NBPF11: variants seen among roughly 807,000 people sequenced by gnomAD.
NBPF11 encodes NBPF family member NBPF11.
Under a neutral mutation model 93.9 loss-of-function variants are expected in NBPF11, and 72 were observed. The observed-to-expected ratio is 0.77, with a 90% CI of 0.63 to 0.93. The LOEUF is 0.93. NBPF11 is among the 40% of genes least tolerant of loss of function. The probability of loss-of-function intolerance (pLI) is 0.00; values close to 1 mark genes in which losing one functional copy is unlikely to be tolerated. For missense variants in NBPF11, 705 were observed against 802.2 expected (o/e 0.88, Z 1.46); for synonymous variants, 224 against 304.9 (o/e 0.73, Z 2.76).
At chr1:148,140,825 A>C (rs1660480507) in intron 2 of NBPF11, among the ~76,000 whole-genome samples, 1 of 151,486 alleles carries the variant, frequency 6.6e-6, no homozygotes, top group East Asian at 1.9e-4. Flanking sequence ...TCACTTTGGA[A>C]AACTTAAGTT....
intron 1 of NBPF11, chr1:148,146,380 C>G (rs1482436387): frequency 4.5e-6 from 7 of 1,569,484 alleles, no homozygotes; most frequent in Non-Finnish European, 6.0e-6. Context: ...AGGCCCGGCC[C>G]GGGCGGCGCC....
chr1:148,125,220 C>A (rs1337702108), intron 5 of NBPF11, among the ~76,000 whole-genome samples: 1 of 151,942 alleles, frequency 6.6e-6, no homozygotes, highest in East Asian at 1.9e-4. Flanking sequence ...AAGGGCGCAT[C>A]AAGGAAGTTG....
chr1:148,119,555 C>T (rs1387752081), intron 10 of NBPF11, among the ~76,000 whole-genome samples: 7 of 151,902 alleles, frequency 4.6e-5, no homozygotes, highest in South Asian at 2.1e-4. Flanking sequence ...CACACATTCT[C>T]GGGTGCGATC....
intron 10 of NBPF11, among the ~76,000 whole-genome samples, chr1:148,119,744 C>T (rs1667398752): frequency 1.8e-4 from 28 of 151,970 alleles, no homozygotes; most frequent in African/African-American, 4.8e-5. Context: ...CAACCTCAGC[C>T]TCCTGGGTTC....
intron 9 of NBPF11, among the ~76,000 whole-genome samples, chr1:148,121,748 C>G (rs1472179575): frequency 3.3e-5 from 5 of 152,004 alleles, no homozygotes; most frequent in African/African-American, 9.7e-5. Flanking sequence ...CTCAGCCCAT[C>G]CTCCCACCTA....
chr1:148,146,411 T>C, intron 1 of NBPF11: 1 of 1,602,146 alleles, frequency 6.2e-7, no homozygotes, highest in Non-Finnish European at 8.5e-7. Context: ...GGGCTGTCGC[T>C]GAGTGAGCTC....
intron 1 of NBPF11, chr1:148,146,517 C>T (rs1226596737): frequency 6.2e-7 from 1 of 1,603,270 alleles, no homozygotes; most frequent in East Asian, 2.2e-5. Context: ...TGCCTGAGCC[C>T]GAGCTGGGGC....
chr1:148,148,312 G>A (rs1408970305), intron 1 of NBPF11, among the ~76,000 whole-genome samples: 2 of 152,250 alleles, frequency 1.3e-5, no homozygotes, highest in Admixed American at 1.3e-4. Context: ...TTGCAAGAGG[G>A]CGTCTGCCTG....
At chr1:148,122,340 G>T in intron 8 of NBPF11, 74 bp from the exon 9 acceptor site, 1 of 1,607,066 alleles carries the variant, frequency 6.2e-7, no homozygotes, top group South Asian at 1.1e-5. Flanking sequence ...GTCCTAGCTG[G>T]TTTTGACAAG....
At chr1:148,146,588 G>C (rs1371746094) in intron 1 of NBPF11, 2 of 1,608,646 alleles carry the variant, frequency 1.2e-6, no homozygotes, top group Non-Finnish European at 1.7e-6. Context: ...GCACCCGGGC[G>C]CTGGAAGCTG....
At chr1:148,129,199 AATAT>A (rs1227566241) in intron 4 of NBPF11, among the ~76,000 whole-genome samples, 7 of 140,968 alleles carry the variant, frequency 5.0e-5, no homozygotes, top group Non-Finnish European at 9.2e-5. Flanking sequence ...GTATATATAA[AATAT>A]ATATACACAC....
intron 17 of NBPF11, among the ~76,000 whole-genome samples, 159 bp from the exon 18 acceptor site, chr1:148,108,813 G>A (rs1386085574): frequency 4.1e-5 from 6 of 147,584 alleles, no homozygotes; most frequent in African/African-American, 1.3e-4. Flanking sequence ...GGATAGACTA[G>A]GGCCAGGTAG....
chr1:148,118,298 G>C (rs1448504321), intron 11 of NBPF11, among the ~76,000 whole-genome samples: 4 of 151,934 alleles, frequency 2.6e-5, no homozygotes, highest in Admixed American at 1.3e-4. Flanking sequence ...GGGTAAGTGG[G>C]GTGGTGATGG....
intron 12 of NBPF11, among the ~76,000 whole-genome samples, chr1:148,117,259 C>G (rs1395509542): frequency 1.3e-5 from 2 of 149,198 alleles, no homozygotes; most frequent in East Asian, 4.0e-4. Context: ...CATTCTTAGT[C>G]CAGAGCTCTT....
chr1:148,115,561 C>A (rs1177319631), intron 14 of NBPF11, among the ~76,000 whole-genome samples: 1 of 151,782 alleles, frequency 6.6e-6, no homozygotes. Context: ...ACCTCCTGCA[C>A]TGAGGTGACT....
intron 4 of NBPF11, 186 bp from the exon 5 acceptor site, chr1:148,127,224 C>T: frequency 3.8e-6 from 1 of 265,174 alleles, no homozygotes; most frequent in Non-Finnish European, 6.4e-6. Context: ...CAACTCAGAG[C>T]TGAAAGCACT....
At chr1:148,120,026 C>A (rs1667466752) in intron 10 of NBPF11, among the ~76,000 whole-genome samples, 1 of 151,590 alleles carries the variant, frequency 6.6e-6, no homozygotes. Context: ...CTCTTGAAGC[C>A]CCTCAGAGCG....
chr1:148,147,961 G>A (rs1399026505), intron 1 of NBPF11, among the ~76,000 whole-genome samples: 1 of 152,076 alleles, frequency 6.6e-6, no homozygotes, highest in Non-Finnish European at 1.5e-5. Flanking sequence ...AGAGCCATGA[G>A]GGGGAGGCCA....
chr1:148,123,041 A>G (rs1247101233), intron 7 of NBPF11, among the ~76,000 whole-genome samples: 3 of 152,024 alleles, frequency 2.0e-5, no homozygotes, highest in Admixed American at 6.5e-5. Flanking sequence ...TTTGCTTCCC[A>G]TATCACTGGA....
Sources: allele counts gnomAD v4.1 joint callset (sites outside exome capture counted in the v4.1 genomes callset), GRCh38; gene constraint gnomAD v4.1.1; transcripts MANE v1.5; gene names NCBI Gene and HGNC (gene_info 2026-07-23, HGNC 2026-07-21).